Variants in RNF38 observed in about 807,000 individuals in gnomAD.
RNF38 encodes E3 ubiquitin-protein ligase RNF38.
In RNF38, 15 loss-of-function variants were observed where a neutral mutation model predicts 67.2. That is an observed-to-expected ratio of 0.22 (90% CI 0.15 to 0.34). RNF38 has a LOEUF of 0.34. Among genes scored for constraint, RNF38 ranks in the 10% least tolerant of loss-of-function variants. The pLI is 1.00. For synonymous variants in RNF38, 220 were observed against 218.8 expected (o/e 1.01, Z -0.05); for missense variants, 524 against 639.9 (o/e 0.82, Z 1.95).
intron 3 of RNF38, chr9:36,372,555 G>GT (rs1258231801): frequency 1.4e-6 from 1 of 715,904 alleles, no homozygotes. Context: ...GGCACAGCCT[G>GT]TTTCTGGGAG....
At chr9:36,463,175 T>A (rs1343777897) in intron 1 of RNF38, among the ~76,000 whole-genome samples, 1 of 152,198 alleles carries the variant, frequency 6.6e-6, no homozygotes, top group African/African-American at 2.4e-5. Context: ...TTACTGTCTG[T>A]CTCACATCAT....
chr9:36,466,039 G>A (rs372375210), intron 1 of RNF38, among the ~76,000 whole-genome samples: 3 of 152,262 alleles, frequency 2.0e-5, no homozygotes, highest in East Asian at 1.9e-4. Flanking sequence ...GCAACAGTGC[G>A]AGACTCTGTC....
chr9:36,358,257 A>G (rs1834273458), intron 4 of RNF38, among the ~76,000 whole-genome samples: 1 of 152,248 alleles, frequency 6.6e-6, no homozygotes, highest in Non-Finnish European at 1.5e-5. Context: ...AACTGGAATC[A>G]TTAAAGCTTG....
chr9:36,454,626 C>T (rs1478772066), intron 1 of RNF38, among the ~76,000 whole-genome samples: 5 of 144,860 alleles, frequency 3.5e-5, no homozygotes, highest in African/African-American at 1.0e-4. Flanking sequence ...TCTGTCGCCC[C>T]GGCTGCAGTG....
chr9:36,373,589 CTT>C lies in RNF38; in HGVS notation c.356+2343_356+2344del, dbSNP rs71494622. On this transcript the variant is annotated intron_variant, in intron 3 of 11. Coordinates refer to ENST00000259605, the MANE Select transcript of RNF38 (RefSeq NM_022781.5). ...TGGTGGGTGTATGTATTTGTTAGCC[CTT>C]TTTTTTTTTTTTTTTTTAATTTGAG... 2.9e-3 allele frequency among the ~76,000 whole-genome samples: 385 copies of C among 131,710 alleles called. 3 individuals carry two copies. The highest frequency in any genetic ancestry group is 6.1e-3 in the African/African-American group (213 of 35,006). 86.4% of individuals were successfully genotyped at this position (131,710 alleles called of 152,430 possible). A position where few individuals can be genotyped will look rare whatever the true frequency, so the allele number is the denominator to read the frequency against.
chr9:36,361,372 C>T (rs986563469), intron 4 of RNF38, among the ~76,000 whole-genome samples: 1 of 150,786 alleles, frequency 6.6e-6, no homozygotes, highest in African/African-American at 2.5e-5. Flanking sequence ...ACCGTGTTAG[C>T]CAGGATGGTC....
intron 1 of RNF38, among the ~76,000 whole-genome samples, chr9:36,434,848 A>G (rs973730612): frequency 2.6e-5 from 4 of 152,212 alleles, no homozygotes; most frequent in African/African-American, 9.6e-5. Context: ...CCCTTGCCTT[A>G]TACATTATAT....
intron 1 of RNF38, among the ~76,000 whole-genome samples, chr9:36,430,567 G>C (rs771336093): frequency 6.6e-6 from 1 of 151,992 alleles, no homozygotes; most frequent in Non-Finnish European, 1.5e-5. Context: ...GGAGATAAAA[G>C]AAGAGAAAGA....
chr9:36,425,693 T>C (rs1275821376), intron 1 of RNF38, among the ~76,000 whole-genome samples: 2 of 150,868 alleles, frequency 1.3e-5, no homozygotes, highest in African/African-American at 2.4e-5. Context: ...AGACCCTGTT[T>C]CAAAAAAAAA....
chr9:36,367,885 T>C lies in RNF38; in HGVS notation c.570+1834A>G, dbSNP rs139173032. On this transcript the variant is annotated intron_variant, in intron 4 of 11. Transcript: ENST00000259605. ...TTATTTTTTTGAGATGGAGTCTCGC[T>C]CTGTTGCCCAGGCTGGAGTGCAATG... is the stretch of plus-strand genomic sequence containing the variant. Among the ~76,000 whole-genome samples the C allele has an allele frequency of 6.5e-3, 990 of 152,354 alleles. 10 individuals are homozygous for C. Among genetic ancestry groups the C allele is most frequent in the African/African-American group, 0.022 (925 of 41,590 alleles).
intron 2 of RNF38, among the ~76,000 whole-genome samples, chr9:36,379,820 A>G (rs927710682): frequency 6.6e-6 from 1 of 152,224 alleles, no homozygotes; most frequent in African/African-American, 2.4e-5. Context: ...TTAAGCAGAC[A>G]GCTCTGTCAT....
intron 2 of RNF38, among the ~76,000 whole-genome samples, chr9:36,383,842 AAC>A (rs920694755): frequency 2.6e-5 from 4 of 152,110 alleles, no homozygotes; most frequent in Non-Finnish European, 4.4e-5. Context: ...CAAAGAAAAT[AAC>A]AGTTTGATAT....
chr9:36,429,433 T>C (rs746931572), intron 1 of RNF38, among the ~76,000 whole-genome samples: 63 of 152,204 alleles, frequency 4.1e-4, no homozygotes, highest in Non-Finnish European at 7.3e-4. Flanking sequence ...AAAACCTATG[T>C]AAATCCTCTC....
At chr9:36,447,419 T>C (rs979791511) in intron 1 of RNF38, among the ~76,000 whole-genome samples, 1 of 152,188 alleles carries the variant, frequency 6.6e-6, no homozygotes, top group East Asian at 1.9e-4. Context: ...AAAGCCATGA[T>C]ACGAATTCAT....
chr9:36,424,749 T>A, intron 1 of RNF38: 1 of 572,142 alleles, frequency 1.7e-6, no homozygotes, highest in Non-Finnish European at 2.2e-6. Flanking sequence ...CTTTACCAAT[T>A]AAAAGTGCTT....
chr9:36,473,763 G>T (rs1056737164), intron 1 of RNF38, among the ~76,000 whole-genome samples: 4 of 151,156 alleles, frequency 2.6e-5, no homozygotes, highest in African/African-American at 9.7e-5. Context: ...GAGGCAGGTG[G>T]ATCACAAGGT....
rs1564068039 is a variant in RNF38, at chr9:36,451,502, T to TGTTTGTTTGTTTG, written n.242-26820_242-26819insCAAACAAACAAAC. On this transcript the variant is annotated intron_variant and non_coding_transcript_variant, in intron 1 of 3. Transcript: ENST00000488058. ...AAAAAATTGTAGTAGTTTTTTTTTT[T>TGTTTGTTTGTTTG]TTTTTTTTTTTTTTTGAGACGGAGT... Among the ~76,000 whole-genome samples the TGTTTGTTTGTTTG allele has an allele frequency of 1.4e-4, 19 of 136,032 alleles. 1 individual carries two copies. Among genetic ancestry groups the TGTTTGTTTGTTTG allele is most frequent in the African/African-American group, 5.5e-4 (19 of 34,696 alleles). 89.2% of individuals were successfully genotyped at this position (136,032 alleles called of 152,430 possible). A position where few individuals can be genotyped will look rare whatever the true frequency, so the allele number is the denominator to read the frequency against.
At chr9:36,447,951 G>A (rs959653170) in intron 1 of RNF38, among the ~76,000 whole-genome samples, 1 of 152,216 alleles carries the variant, frequency 6.6e-6, no homozygotes, top group African/African-American at 2.4e-5. Context: ...TACCCCCTAA[G>A]TTCTTCTGAA....
At position 36,369,894 on chromosome 9, in the gene RNF38, A is replaced by G; in HGVS notation, c.395T>C (p.Leu132Pro). 2 of 1,613,434 alleles carry G rather than the reference A, an allele frequency of 1.2e-6. No homozygotes were observed. Among genetic ancestry groups the G allele is most frequent in the Non-Finnish European group, 1.7e-6 (2 of 1,180,036 alleles). Residue 132 changes from leucine (L) to proline (P), a missense_variant, in exon 4 of 12, where the codon CTG becomes CCG. Around this residue, in one of 2 missense-constraint regions of RNF38, gnomAD observed 461 missense variants for 517.4 expected, o/e 0.89. Coordinates refer to ENST00000259605, the MANE Select transcript of RNF38 (RefSeq NM_022781.5). ...VRRQRGRRDR[L>P]SRHNSISQDE... ...TTGACTAATGGAATTATGTCGAGAC[A>G]GACGATCCCTTCTTCCTCTCTGGCG...
Sources: gnomAD v4.1 joint callset for allele counts (sites outside exome capture counted in the v4.1 genomes callset) on GRCh38, gnomAD v4.1.1 for gene constraint, gnomAD v4.1.1 regional missense constraint, MANE v1.5 for transcripts, NCBI Gene and HGNC (gene_info 2026-07-23, HGNC 2026-07-21) for gene names.